The following RAP1GAP2 variants were observed in gnomAD, a reference collection of about 807,000 sequenced individuals.
RAP1GAP2 encodes rap1 GTPase-activating protein 2.
A neutral mutation model predicts 95.0 loss-of-function variants in RAP1GAP2; 27 were observed. The ratio of observed to expected loss-of-function variants is 0.28; its 90% CI spans 0.21 to 0.39. RAP1GAP2 has a LOEUF of 0.39. RAP1GAP2 is among the 10% of genes least tolerant of loss of function. The probability of loss-of-function intolerance (pLI) is 1.00; values close to 1 mark genes in which losing one functional copy is unlikely to be tolerated. For missense variants in RAP1GAP2, 771 were observed against 970.0 expected, an observed-to-expected ratio of 0.79 and a Z score of 2.72; for synonymous variants, 373 against 380.9, an observed-to-expected ratio of 0.98 and a Z score of 0.24.
Position 2,870,138 on chromosome 17 carries a change from G to T in RAP1GAP2, c.81-35146G>T, listed in dbSNP as rs1198961274. Reference sequence around the variant, plus strand: ...GACAATCTTTTTTTTTTTTTTTGGAGATGGAGTCTCGCACTGTCACCCGGG... The same window carrying T: ...GACAATCTTTTTTTTTTTTTTTGGATATGGAGTCTCGCACTGTCACCCGGG... On this transcript the variant is annotated intron_variant, in intron 2 of 24. Coordinates refer to ENST00000254695, the MANE Select transcript of RAP1GAP2 (RefSeq NM_015085.5). The surrounding 1 kb of genome is among the most constrained non-coding windows in gnomAD (Gnocchi z 4.4). Among the ~76,000 whole-genome samples the T allele has an allele frequency of 6.7e-6, 1 of 148,720 alleles. No homozygotes were observed. Among genetic ancestry groups the T allele is most frequent in the African/African-American group, 2.5e-5 (1 of 40,198 alleles).
chr17:2,891,823 T>TATTTTC (rs1241669323), intron 2 of RAP1GAP2, among the ~76,000 whole-genome samples: 1 of 114,522 alleles, frequency 8.7e-6, no homozygotes, highest in Non-Finnish European at 1.8e-5. Flanking sequence ...TCTTTTTTTT[T>TATTTTC]TTTTTTTTTT....
chr17:2,919,326 A>G lies in RAP1GAP2; in HGVS notation c.165+13958A>G, dbSNP rs548140287. On this transcript the variant is annotated intron_variant, in intron 3 of 24. Coordinates refer to ENST00000254695, the MANE Select transcript of RAP1GAP2 (RefSeq NM_015085.5). ...CCCAAACAGGGGTCTCCAGGGTGGC[A>G]GAAAGAACCTGCAGGGTCGCCATCC... 3.9e-4 allele frequency among the ~76,000 whole-genome samples: 60 copies of G among 152,340 alleles called. 1 individual carries two copies. Among genetic ancestry groups the G allele is most frequent in the Middle Eastern group, 3.4e-3 (1 of 294 alleles).
intron 2 of RAP1GAP2, among the ~76,000 whole-genome samples, chr17:2,865,275 G>C (rs1373905596): frequency 6.6e-6 from 1 of 152,130 alleles, no homozygotes; most frequent in Non-Finnish European, 1.5e-5. Flanking sequence ...CTCCTGTTAA[G>C]GAGTTAAGAA....
At position 3,026,484 on chromosome 17, in the gene RAP1GAP2, C is replaced by T. The variant is rs764538373; in HGVS notation, c.1980+20C>T. The T allele has an allele frequency of 1.6e-5, 24 of 1,521,894 alleles. No homozygotes were observed. The Admixed American group carries it at 4.9e-4, about 31-fold the overall frequency. The allele number at this position is 1,521,894 out of a possible 1,614,324, so 94.3% of individuals were successfully genotyped here. On this transcript the variant is annotated intron_variant, in intron 21 of 24. Transcript: ENST00000254695. ...AGTGGGGTAGGTGTGCCCCGTCCAC[C>T]CTTGGGCAGGCACTCTGGGGCGTCA...
rs150351807 is a variant in RAP1GAP2, at chr17:2,941,982, C to T, written c.166-15777C>T. Among the ~76,000 whole-genome samples the T allele has an allele frequency of 2.0e-4, 30 of 152,216 alleles. No homozygotes were observed. In the East Asian group the frequency reaches 5.8e-3, roughly 29 times the overall value. ...ACAGGCGTGAGCCACTGCATCCAGC[C>T]GACTCTCTGGGCTTTGTCCTGAGTG... On this transcript the variant is annotated intron_variant, in intron 3 of 24. Coordinates refer to ENST00000254695, the MANE Select transcript of RAP1GAP2 (RefSeq NM_015085.5).
rs1453246309 is a variant in RAP1GAP2, at chr17:3,027,861, A to G, written c.2107+791A>G. On this transcript the variant is annotated intron_variant, in intron 22 of 24. Transcript: ENST00000254695. This position sits in a 1 kb window ranked among gnomAD's most constrained non-coding sequence, Gnocchi z 5.2. ...AGGAGAGATCAAGGAGGTAAAATGT[A>G]CGGGCTCAGTAGCAGGGGTTCAGAG... Among the ~76,000 whole-genome samples the G allele has an allele frequency of 6.6e-6, 1 of 151,788 alleles. No individual in the cohort carries two copies. The highest frequency in any genetic ancestry group is 1.9e-4 in the East Asian group (1 of 5,150).
intron 3 of RAP1GAP2, among the ~76,000 whole-genome samples, chr17:2,949,421 G>C (rs1234964355): frequency 6.6e-6 from 1 of 152,202 alleles, no homozygotes; most frequent in Non-Finnish European, 1.5e-5. Context: ...AGCACCTGCT[G>C]TGTGCCCTGA....
At chr17:3,019,769 T>A (rs1197855475) in intron 18 of RAP1GAP2, among the ~76,000 whole-genome samples, 3 of 152,200 alleles carry the variant, frequency 2.0e-5, no homozygotes, top group Non-Finnish European at 1.5e-5. Flanking sequence ...GTCTCATTGC[T>A]CTCCTGAGGT....
chr17:2,905,258 A>C, intron 2 of RAP1GAP2, 26 bp from the exon 3 acceptor site: 1 of 1,603,452 alleles, frequency 6.2e-7, no homozygotes, highest in Non-Finnish European at 8.5e-7. Flanking sequence ...GCAGGTCCTC[A>C]CTCACCTCTT....
At chr17:2,952,112 T>C (rs1039258649) in intron 3 of RAP1GAP2, among the ~76,000 whole-genome samples, 2 of 152,174 alleles carry the variant, frequency 1.3e-5, no homozygotes, top group Admixed American at 1.3e-4. Flanking sequence ...CTCATTTTGT[T>C]GTGTATCCTT....
intron 14 of RAP1GAP2, among the ~76,000 whole-genome samples, chr17:2,998,729 G>A (rs1479083430): frequency 6.6e-6 from 1 of 151,226 alleles, no homozygotes; most frequent in East Asian, 2.0e-4. Context: ...TTTGCTCGCT[G>A]TGAGTGTAGT....
chr17:2,852,384 TA>T (rs2071894507), intron 2 of RAP1GAP2, among the ~76,000 whole-genome samples: 1 of 152,044 alleles, frequency 6.6e-6, no homozygotes, highest in African/African-American at 2.4e-5. Context: ...GGCTGCTTCA[TA>T]AATAGACCAG....
chr17:3,006,384 C>A (rs551297155), intron 16 of RAP1GAP2, among the ~76,000 whole-genome samples: 27 of 151,080 alleles, frequency 1.8e-4, no homozygotes, highest in Middle Eastern at 3.5e-3. Flanking sequence ...CCTGGCCCAG[C>A]CTCCCAAAGT....
chr17:2,984,115 C>T (rs1473709791), intron 10 of RAP1GAP2, among the ~76,000 whole-genome samples: 2 of 152,200 alleles, frequency 1.3e-5, no homozygotes, highest in African/African-American at 4.8e-5. Context: ...CTTTGGGAGG[C>T]TGAGGCAGGC....
intron 3 of RAP1GAP2, among the ~76,000 whole-genome samples, chr17:2,927,732 C>T (rs1274039930): frequency 2.6e-5 from 4 of 152,246 alleles, no homozygotes; most frequent in African/African-American, 4.8e-5. Context: ...GGGCTTTGCT[C>T]AGCCCTGGGT....
intron 2 of RAP1GAP2, among the ~76,000 whole-genome samples, chr17:2,812,915 G>A (rs929678314): frequency 6.0e-5 from 9 of 149,248 alleles, no homozygotes; most frequent in Non-Finnish European, 3.0e-5. Flanking sequence ...GCTTGAACCC[G>A]GGAGATGGAA....
chr17:2,783,615 G>C (rs1370550989), intron 1 of RAP1GAP2, among the ~76,000 whole-genome samples: 1 of 152,236 alleles, frequency 6.6e-6, no homozygotes. Flanking sequence ...TCCTGCCAGT[G>C]TTCTGGTTAT....
intron 1 of RAP1GAP2, among the ~76,000 whole-genome samples, chr17:2,777,586 T>C (rs933347626): frequency 2.6e-5 from 4 of 152,068 alleles, no homozygotes; most frequent in African/African-American, 9.7e-5. Flanking sequence ...GACTGTCCTC[T>C]GGCTTTGCCA....
chr17:2,810,626 G>A (rs1395285376), intron 2 of RAP1GAP2, among the ~76,000 whole-genome samples: 1 of 143,176 alleles, frequency 7.0e-6, no homozygotes, highest in Non-Finnish European at 1.5e-5. Context: ...TGCCTCCCAG[G>A]TTCAAGTGAT....
Sources: allele counts gnomAD v4.1 joint callset (sites outside exome capture counted in the v4.1 genomes callset), GRCh38; gene constraint gnomAD v4.1.1; non-coding constraint Gnocchi (gnomAD v3.1); transcripts MANE v1.5; gene names NCBI Gene and HGNC (gene_info 2026-07-23, HGNC 2026-07-21).